Variants in EPB41 observed in about 807,000 individuals in gnomAD.
EPB41 encodes protein 4.1.
A neutral mutation model predicts 108.0 loss-of-function variants in EPB41; 65 were observed. The observed-to-expected ratio is 0.60, with a 90% CI of 0.49 to 0.74. The LOEUF (loss-of-function observed/expected upper bound fraction) is 0.74. Among genes scored for constraint, EPB41 ranks in the 30% least tolerant of loss-of-function variants. The pLI, the probability that EPB41 is intolerant of heterozygous loss-of-function variation, is 0.00. For synonymous variants in EPB41, 336 were observed against 358.9 expected (o/e 0.94, Z 0.72); for missense variants, 875 against 1,037.0 (o/e 0.84, Z 2.15).
At chr1:28,945,771 T>A (rs2094468136) in intron 1 of EPB41, among the ~76,000 whole-genome samples, 1 of 152,244 alleles carries the variant, frequency 6.6e-6, no homozygotes, top group South Asian at 2.1e-4. Flanking sequence ...ATTCCTTACA[T>A]AGGTTTGGCA....
At chr1:29,070,640 A>G in intron 16 of EPB41, 1 of 1,231,986 alleles carries the variant, frequency 8.1e-7, no homozygotes, top group Non-Finnish European at 1.0e-6. Flanking sequence ...GCTCATCTGA[A>G]ATGTCAAGAC....
At chr1:29,012,511 G>A (rs2096520428) in intron 5 of EPB41, among the ~76,000 whole-genome samples, 1 of 152,138 alleles carries the variant, frequency 6.6e-6, no homozygotes, top group African/African-American at 2.4e-5. Flanking sequence ...TTTACACCCT[G>A]ATCAGACTGG....
chr1:28,900,644 T>C (rs182601742), intron 1 of EPB41, among the ~76,000 whole-genome samples: 1 of 152,082 alleles, frequency 6.6e-6, no homozygotes, highest in African/African-American at 2.4e-5. Context: ...ATGGTGAGAA[T>C]AGTGGGCAAA....
chr1:29,022,958 A>G (rs914684130), intron 7 of EPB41, among the ~76,000 whole-genome samples: 8 of 152,012 alleles, frequency 5.3e-5, no homozygotes, highest in African/African-American at 1.7e-4. Context: ...TTTTTCAGAA[A>G]TTATGTTATT....
rs753358508 is a variant in EPB41, at chr1:28,987,618, C to T, written c.181C>T (p.Pro61Ser). The T allele has an allele frequency of 3.7e-6, 6 of 1,614,198 alleles. No homozygotes were observed. The South Asian group carries it at 5.5e-5, about 15-fold the overall frequency. ...QKLKASNGDT[P>S]THEDLTKNKE... is the part of the protein sequence containing the mutation. The stretch of plus-strand genomic sequence containing the variant: ...GCTGAAAGCTTCTAATGGAGACACT[C>T]CTACACATGAAGACTTGACCAAGAA... The change falls in exon 2 of 21, where the codon CCT (proline) becomes TCT (serine). Residue 61 changes from proline (P) to serine (S), a missense_variant. By Grantham distance (74) the Pro-to-Ser change is moderately conservative (BLOSUM62 -1). This residue lies in a region of EPB41 where 353 missense variants were observed against 393.2 expected (regional missense o/e 0.90). Coordinates refer to ENST00000343067, the MANE Select transcript of EPB41 (RefSeq NM_001376013.1).
In EPB41 at chr1:29,018,492, A is replaced by G; in HGVS notation, c.1124+50A>G. 2 of 1,437,436 alleles carry G rather than the reference A, an allele frequency of 1.4e-6. No individual in the cohort carries two copies. Among genetic ancestry groups the G allele is most frequent in the Non-Finnish European group, 1.8e-6 (2 of 1,082,754 alleles). The allele number at this position is 1,437,436 out of a possible 1,614,324, so 89.0% of individuals were successfully genotyped here. On this transcript the variant is annotated intron_variant, in intron 7 of 20. Coordinates refer to ENST00000343067, the MANE Select transcript of EPB41 (RefSeq NM_001376013.1). This position sits in a 1 kb window ranked among gnomAD's most constrained non-coding sequence, Gnocchi z 4.4. ...CGGTGTTTGTTTTGGCGATTAGTTT[A>G]AACACAACATGGTATTGGTTCATTG...
At chr1:28,934,168 T>C (rs905326433) in intron 1 of EPB41, among the ~76,000 whole-genome samples, 1 of 152,114 alleles carries the variant, frequency 6.6e-6, no homozygotes, top group African/African-American at 2.4e-5. Flanking sequence ...ATTGCCTCAG[T>C]TGGGATTTGT....
At chr1:29,032,622 T>C (rs910601429) in intron 8 of EPB41, among the ~76,000 whole-genome samples, 21 of 152,200 alleles carry the variant, frequency 1.4e-4, no homozygotes, top group Non-Finnish European at 2.8e-4. Flanking sequence ...ATGATTAATA[T>C]TACATATTTA....
intron 11 of EPB41, among the ~76,000 whole-genome samples, chr1:29,046,261 A>G (rs991882217): frequency 2.0e-5 from 3 of 151,648 alleles, no homozygotes; most frequent in African/African-American, 7.3e-5. Flanking sequence ...AGTAGCTGGG[A>G]TTACAGGTGC....
chr1:29,051,244 G>A (rs939815223), intron 11 of EPB41, among the ~76,000 whole-genome samples: 44 of 151,188 alleles, frequency 2.9e-4, no homozygotes, highest in African/African-American at 1.0e-3. Context: ...GACTACAGGC[G>A]CCCACCACCA....
intron 7 of EPB41, among the ~76,000 whole-genome samples, chr1:29,026,832 A>C (rs56767062): frequency 6.6e-6 from 1 of 151,450 alleles, no homozygotes; most frequent in African/African-American, 2.4e-5. Context: ...TTTGGCTCAC[A>C]CCTTTAATCC....
intron 16 of EPB41, among the ~76,000 whole-genome samples, chr1:29,084,274 G>A (rs756900972): frequency 4.6e-5 from 7 of 152,072 alleles, no homozygotes; most frequent in Admixed American, 2.0e-4. Context: ...TTTCCCAGAC[G>A]TATAGAAACA....
intron 7 of EPB41, among the ~76,000 whole-genome samples, chr1:29,026,477 G>A (rs1288644709): frequency 1.3e-5 from 2 of 152,168 alleles, no homozygotes; most frequent in East Asian, 3.8e-4. Flanking sequence ...AGAATGATGG[G>A]AAATGGTCAG....
At chr1:29,049,700 T>C (rs1028935422) in intron 11 of EPB41, among the ~76,000 whole-genome samples, 5 of 152,232 alleles carry the variant, frequency 3.3e-5, no homozygotes, top group Non-Finnish European at 7.3e-5. Flanking sequence ...TTTTATTCTT[T>C]ACTGCTGTAG....
In EPB41 at chr1:28,975,489, T is replaced by G. The variant is rs550236812; in HGVS notation, c.-7-11942T>G. 3.3e-5 allele frequency among the ~76,000 whole-genome samples: 5 copies of G among 152,300 alleles called. No individual in the cohort carries two copies. The East Asian group carries it at 9.6e-4, about 29-fold the overall frequency. ...GATAACCTGAATTTACCCAGTCATT[T>G]GTTGAATTTCCCTCTGTCTCTAGCC... On this transcript the variant is annotated intron_variant, in intron 1 of 20. Transcript: ENST00000343067.
intron 1 of EPB41, chr1:28,982,568 C>T: frequency 6.7e-7 from 1 of 1,501,908 alleles, no homozygotes; most frequent in Non-Finnish European, 9.2e-7. Flanking sequence ...TAGCGTCCAG[C>T]CAGGACAAGC....
chr1:29,090,473 G>A (rs1660790379), intron 16 of EPB41, among the ~76,000 whole-genome samples: 1 of 152,156 alleles, frequency 6.6e-6, no homozygotes, highest in East Asian at 1.9e-4. Context: ...CGGAGGGGCC[G>A]GATGTGGTGG....
upstream of EPB41, among the ~76,000 whole-genome samples, chr1:28,912,010 C>T (rs1427470204): frequency 6.6e-6 from 1 of 152,152 alleles, no homozygotes; most frequent in Admixed American, 6.5e-5. Context: ...CGTGCCATTG[C>T]ACTCCAGCCT....
intron 16 of EPB41, chr1:29,070,416 A>G (rs1377979733): frequency 8.1e-7 from 1 of 1,232,052 alleles, no homozygotes; most frequent in Non-Finnish European, 1.0e-6. Flanking sequence ...AAAAGGCAAG[A>G]AAGATCTACT....
Sources: gnomAD v4.1 joint callset for allele counts (sites outside exome capture counted in the v4.1 genomes callset) on GRCh38, gnomAD v4.1.1 for gene constraint, gnomAD v4.1.1 regional missense constraint, Gnocchi (gnomAD v3.1) non-coding constraint, MANE v1.5 for transcripts, NCBI Gene and HGNC (gene_info 2026-07-23, HGNC 2026-07-21) for gene names.